The following SDK1 variants were observed in gnomAD, a reference collection of about 807,000 sequenced individuals.
SDK1 encodes protein sidekick-1.
SDK1 carries 157 observed loss-of-function variants against 245.5 expected under a neutral mutation model. The ratio of observed to expected loss-of-function variants is 0.64; its 90% confidence interval spans 0.56 to 0.73. SDK1 has a LOEUF of 0.73. Ranked by LOEUF, SDK1 falls within the 30% of genes least tolerant of loss-of-function variation. The pLI is 0.00. For missense variants in SDK1, 3,583 were observed against 3,002.3 expected (o/e 1.19, Z -4.52); for synonymous variants, 1,647 against 1,278.5 (o/e 1.29, Z -6.15).
chr7:3,514,653 G>C (rs761126833), intron 1 of SDK1, among the ~76,000 whole-genome samples: 2 of 152,182 alleles, frequency 1.3e-5, no homozygotes, highest in Non-Finnish European at 2.9e-5. Flanking sequence ...AAATGGGCAG[G>C]AGTGGAAGGG....
chr7:3,720,147 T>A (rs1339259129), intron 4 of SDK1, among the ~76,000 whole-genome samples: 3 of 151,816 alleles, frequency 2.0e-5, no homozygotes, highest in Non-Finnish European at 2.9e-5. Context: ...AACCAGCCAC[T>A]CGGGAGGCTG....
intron 1 of SDK1, among the ~76,000 whole-genome samples, chr7:3,560,808 T>C (rs971613572): frequency 2.6e-5 from 4 of 152,166 alleles, no homozygotes; most frequent in African/African-American, 4.8e-5. Flanking sequence ...CTGGCCTCTT[T>C]CCTGTTCCTC....
At chr7:3,958,887 T>A (rs762717253) in intron 7 of SDK1, 44 bp from the exon 8 acceptor site, 3 of 1,465,128 alleles carry the variant, frequency 2.0e-6, no homozygotes, top group East Asian at 4.5e-5. Flanking sequence ...CTCTGACATA[T>A]CCTTCTTTGG....
chr7:3,645,737 C>T (rs984547627), intron 4 of SDK1, among the ~76,000 whole-genome samples: 1 of 152,126 alleles, frequency 6.6e-6, no homozygotes, highest in African/African-American at 2.4e-5. Context: ...GGATTGGTAG[C>T]ACAAGTCAGA....
intron 5 of SDK1, among the ~76,000 whole-genome samples, chr7:3,860,677 C>T (rs866894174): frequency 5.9e-5 from 9 of 152,130 alleles, no homozygotes; most frequent in South Asian, 2.1e-4. Flanking sequence ...ATTAAAATGA[C>T]GTAGCAGTCA....
intron 38 of SDK1, among the ~76,000 whole-genome samples, chr7:4,213,769 T>C (rs1483772252): frequency 6.6e-6 from 1 of 152,172 alleles, no homozygotes; most frequent in Non-Finnish European, 1.5e-5. Flanking sequence ...CACAAGACCC[T>C]GCACATCTGG....
rs183002458 is a variant in SDK1, at chr7:4,227,140, A to T, written c.5827+5776A>T. Reference sequence around the variant, plus strand: ...GGCAACGGGAGTTTTCAAGTGAGTAAGGAAGAAAATCAGTATTTCTCTGAA... The same window carrying T: ...GGCAACGGGAGTTTTCAAGTGAGTATGGAAGAAAATCAGTATTTCTCTGAA... On this transcript the variant is annotated intron_variant, in intron 40 of 44. Coordinates refer to ENST00000404826, the MANE Select transcript of SDK1 (RefSeq NM_152744.4). 2.1e-5 allele frequency: 6 copies of T among 284,844 alleles called. No homozygotes were observed. In the Admixed American group the frequency reaches 2.9e-4, roughly 14 times the overall value. 17.6% of individuals were successfully genotyped at this position (284,844 alleles called of 1,614,324 possible).
intron 5 of SDK1, among the ~76,000 whole-genome samples, chr7:3,823,663 T>A (rs1233039775): frequency 6.6e-6 from 1 of 152,230 alleles, no homozygotes; most frequent in Non-Finnish European, 1.5e-5. Context: ...CTGGGTTGCA[T>A]TTTGTTCCTT....
chr7:3,629,795 G>A (rs774564174), intron 2 of SDK1, among the ~76,000 whole-genome samples: 7 of 152,240 alleles, frequency 4.6e-5, no homozygotes, highest in Non-Finnish European at 1.0e-4. Context: ...TCAAGCATAT[G>A]CAGATGCAGG....
intron 5 of SDK1, among the ~76,000 whole-genome samples, chr7:3,920,393 G>GGGGGAA (rs2128112688): frequency 6.6e-6 from 1 of 152,200 alleles, no homozygotes; most frequent in South Asian, 2.1e-4. Flanking sequence ...TGGGAGTCTG[G>GGGGGAA]GGGGAAGGTC....
At chr7:3,932,599 T>C (rs186270386) in intron 5 of SDK1, among the ~76,000 whole-genome samples, 28 of 152,346 alleles carry the variant, frequency 1.8e-4, no homozygotes, top group Non-Finnish European at 3.5e-4. Flanking sequence ...GATTTGTTTG[T>C]ACCTCTGTTG....
chr7:3,465,694 A>G (rs758706587), intron 1 of SDK1, among the ~76,000 whole-genome samples: 4 of 152,132 alleles, frequency 2.6e-5, no homozygotes, highest in Non-Finnish European at 5.9e-5. Context: ...TCACCTCCGT[A>G]TATGATCATT....
intron 4 of SDK1, among the ~76,000 whole-genome samples, chr7:3,807,024 C>G (rs1335311541): frequency 6.6e-6 from 1 of 152,094 alleles, no homozygotes; most frequent in Non-Finnish European, 1.5e-5. Flanking sequence ...CCAGGCAAAT[C>G]TGAAGTTGTC....
intron 1 of SDK1, among the ~76,000 whole-genome samples, chr7:3,484,629 G>C (rs1421521384): frequency 6.6e-6 from 1 of 152,086 alleles, no homozygotes; most frequent in Non-Finnish European, 1.5e-5. Flanking sequence ...CTGTGGTTTT[G>C]TATCCATAAC....
chr7:3,573,525 G>C (rs1359672456), intron 1 of SDK1, among the ~76,000 whole-genome samples: 1 of 152,096 alleles, frequency 6.6e-6, no homozygotes, highest in Non-Finnish European at 1.5e-5. Context: ...AGAAACAACA[G>C]CCTCCACGTG....
chr7:3,565,597 A>G (rs117945654), intron 1 of SDK1, among the ~76,000 whole-genome samples: 2,672 of 152,340 alleles, frequency 0.018, 40 homozygotes, highest in Middle Eastern at 0.034. Context: ...ATAAACAGTC[A>G]TCTCTTGGTA....
chr7:3,502,144 A>C (rs892369330), intron 1 of SDK1, among the ~76,000 whole-genome samples: 5 of 152,142 alleles, frequency 3.3e-5, no homozygotes, highest in Admixed American at 3.3e-4. Flanking sequence ...TCAGGTGTAC[A>C]CAAGGATTAT....
intron 17 of SDK1, 110 bp downstream of exon 17, chr7:4,017,462 G>T (rs35356104): frequency 4.3e-6 from 4 of 939,198 alleles, no homozygotes; most frequent in East Asian, 5.4e-5. Flanking sequence ...CAGTCCCCTA[G>T]GGAGCGTTTA....
intron 25 of SDK1, among the ~76,000 whole-genome samples, chr7:4,118,742 A>G (rs1783879130): frequency 6.7e-6 from 1 of 149,258 alleles, no homozygotes; most frequent in African/African-American, 2.4e-5. Flanking sequence ...ATGATTCAGC[A>G]ATAAAAAGGA....
Sources: allele counts gnomAD v4.1 joint callset (sites outside exome capture counted in the v4.1 genomes callset), GRCh38; gene constraint gnomAD v4.1.1; transcripts MANE v1.5; gene names NCBI Gene and HGNC (gene_info 2026-07-23, HGNC 2026-07-21).